CHIA: variants seen among roughly 807,000 people sequenced by gnomAD.
CHIA encodes chitinase acidic, also known as acidic mammalian chitinase.
CHIA carries 47 observed loss-of-function variants against 53.5 expected under a neutral mutation model. The ratio of observed to expected loss-of-function variants is 0.88; its 90% confidence interval spans 0.70 to 1.12. The LOEUF is 1.12. CHIA is among the 50% of genes most tolerant of loss of function. The pLI is 0.00. For missense variants in CHIA, 652 were observed against 592.2 expected (o/e 1.10, Z -1.05); for synonymous variants, 268 against 222.2 (o/e 1.21, Z -1.83).
At chr1:111,298,507 C>T (rs1390847493) in intron 1 of CHIA, among the ~76,000 whole-genome samples, 2 of 152,220 alleles carry the variant, frequency 1.3e-5, no homozygotes, top group African/African-American at 4.8e-5. Flanking sequence ...GGGTAAATAA[C>T]GAGATGAAGG....
chr1:111,304,115 G>A (rs550383815), intron 1 of CHIA, among the ~76,000 whole-genome samples: 13 of 152,206 alleles, frequency 8.5e-5, no homozygotes, highest in Admixed American at 2.6e-4. Context: ...TAATTTTATT[G>A]AAGATCCCTT....
intron 6 of CHIA, chr1:111,317,344 G>A (rs1193661171): frequency 2.3e-5 from 5 of 217,450 alleles, no homozygotes; most frequent in Non-Finnish European, 3.8e-5. Context: ...TATACTGCTG[G>A]ATGTAGGGTA....
intron 8 of CHIA, 136 bp from the exon 9 acceptor site, chr1:111,318,357 A>G: frequency 1.1e-6 from 1 of 903,366 alleles, no homozygotes; most frequent in Non-Finnish European, 1.7e-6. Flanking sequence ...CAACTTCACC[A>G]AAATGTTTTG....
At position 111,314,538 on chromosome 1, in the gene CHIA, AG is replaced by A; in HGVS notation, c.258del. On this transcript the variant is annotated splice_acceptor_variant, in intron 4 of 11. Coordinates refer to ENST00000369740, the MANE Select transcript of CHIA (RefSeq NM_201653.4). LOFTEE classifies it high-confidence loss of function. ...TATCTGTTTCTATCCTTTGTTTTAC[AG>A]GAACAGCCAGCTGAAAACTCTCCTG... is the stretch of plus-strand genomic sequence containing the variant. 1 of 1,607,460 alleles carries A rather than the reference AG, an allele frequency of 6.2e-7. No individual in the cohort carries two copies. The highest frequency in any genetic ancestry group is 8.5e-7 in the Non-Finnish European group (1 of 1,173,976).
At chr1:111,318,226 C>T in intron 8 of CHIA, 117 bp downstream of exon 8, 1 of 1,137,516 alleles carries the variant, frequency 8.8e-7, no homozygotes. Flanking sequence ...AATTAGGCTG[C>T]CATAATTAAT....
chr1:111,301,346 A>G (rs1045982479), intron 1 of CHIA, among the ~76,000 whole-genome samples: 39 of 152,272 alleles, frequency 2.6e-4, no homozygotes, highest in African/African-American at 8.9e-4. Flanking sequence ...TCCATCAATG[A>G]TAGACTGAAT....
chr1:111,317,052 A>G (rs1649217280), intron 6 of CHIA: 1 of 152,394 alleles, frequency 6.6e-6, no homozygotes, highest in Admixed American at 6.5e-5. Context: ...CTCTTATTCC[A>G]GTTAAATATC....
rs150698600 is a variant in CHIA at position 111,315,306 on chromosome 1, G to A, written c.351G>A (p.Gln117=). ...TGGTTTCTACTCCTGAGAACCGCCA[G>A]ACTTTCATCACCTCAGTCATCAAAT... ...TAMVSTPENR[Q]TFITSVIKFL... Residue 117 remains glutamine (Q), a synonymous_variant, in exon 6 of 12, where the codon CAG becomes CAA. Transcript: ENST00000369740. The A allele has an allele frequency of 1.9e-4, 306 of 1,612,928 alleles. 1 individual carries two copies. Among genetic ancestry groups the A allele is most frequent in the Non-Finnish European group, 2.5e-4 (293 of 1,179,958 alleles).
chr1:111,311,735 A>G lies in CHIA; in HGVS notation c.55+17A>G, dbSNP rs201709951. On this transcript the variant is annotated intron_variant, in intron 3 of 11. Coordinates refer to ENST00000369740, the MANE Select transcript of CHIA (RefSeq NM_201653.4). ...TGCAGCTCGGTAAGTCATGGACTCC[A>G]TGTTTTATCATTGAATGTATATATA... 21 of 1,611,124 alleles carry G rather than the reference A, an allele frequency of 1.3e-5. No homozygotes were observed. In the South Asian group the frequency reaches 2.0e-4, roughly 15 times the overall value.
intron 11 of CHIA, among the ~76,000 whole-genome samples, chr1:111,319,930 A>G (rs962084767): frequency 2.0e-5 from 3 of 152,228 alleles, no homozygotes; most frequent in South Asian, 2.1e-4. Flanking sequence ...GATTCTAGAA[A>G]AGTGTTTTGC....
intron 1 of CHIA, among the ~76,000 whole-genome samples, chr1:111,305,731 T>C (rs926443415): frequency 6.6e-6 from 1 of 152,226 alleles, no homozygotes; most frequent in African/African-American, 2.4e-5. Context: ...TGCTTTCTAC[T>C]TTGCCATCTT....
chr1:111,292,221 T>C (rs1661067722), intron 1 of CHIA, among the ~76,000 whole-genome samples: 1 of 152,240 alleles, frequency 6.6e-6, no homozygotes, highest in African/African-American at 2.4e-5. Flanking sequence ...GGTTATCTCA[T>C]TTAATTCTCA....
intron 1 of CHIA, 22 bp downstream of exon 1, chr1:111,290,972 T>A: frequency 2.4e-6 from 1 of 418,512 alleles, no homozygotes; most frequent in Non-Finnish European, 4.7e-6. Context: ...TATATATATA[T>A]CTTTTCCCTT....
intron 1 of CHIA, among the ~76,000 whole-genome samples, chr1:111,303,074 G>A (rs1318397457): frequency 1.3e-5 from 2 of 151,888 alleles, no homozygotes; most frequent in Non-Finnish European, 2.9e-5. Context: ...AGCAACTCCT[G>A]CTCTCGTTTG....
chr1:111,315,643 C>T (rs2101646988), intron 6 of CHIA: 4 of 600,642 alleles, frequency 6.7e-6, no homozygotes, highest in Non-Finnish European at 1.2e-5. Context: ...AGGCACTGCT[C>T]TACATGTTGT....
Position 111,319,359 on chromosome 1 carries a change from C to T in CHIA, c.1068C>T (p.Gly356=), listed in dbSNP as rs151038298. ...AQWLKHNKFG[G]AMVWAIDLDD... is the part of the protein sequence containing the mutation. ...GGCTTAAGCACAACAAATTTGGAGG[C>T]GCCATGGTCTGGGCCATTGATCTGG... Residue 356 remains glycine (G), a synonymous_variant, in exon 11 of 12, where the codon GGC becomes GGT. Coordinates refer to ENST00000369740, the MANE Select transcript of CHIA (RefSeq NM_201653.4). 2,213 of 1,614,180 alleles carry T rather than the reference C, an allele frequency of 1.4e-3. 24 individuals carry two copies. In the African/African-American group the frequency reaches 0.022, roughly 16 times the overall value.
Position 111,315,252 on chromosome 1 carries a change from T to A in CHIA, c.315-18T>A. 6.2e-7 allele frequency: 1 copy of A among 1,607,656 alleles called. No homozygotes were observed. Among genetic ancestry groups the A allele is most frequent in the South Asian group, 1.1e-5 (1 of 90,738 alleles). On this transcript the variant is annotated intron_variant, in intron 5 of 11. Transcript: ENST00000369740. ...GGACCACCAAGGTCTCACCCTGCCT[T>A]CTTTGGGTCTCCCTCAGTTTCACTG...
Position 111,290,895 on chromosome 1 carries a change from G to A in CHIA, c.-124G>A, listed in dbSNP as rs12026825. On this transcript the variant is annotated 5_prime_UTR_variant, in exon 1 of 12. Transcript: ENST00000369740. ...CTCGTCTGTGCACGAACAGGTGGCCGACTCTGGAGCCCAGGCTGTTGCTTT... is the reference window on the plus strand; with the variant it reads ...CTCGTCTGTGCACGAACAGGTGGCCAACTCTGGAGCCCAGGCTGTTGCTTT... 0.45 allele frequency: 208,516 copies of A among 467,470 alleles called. 49,806 individuals carry two copies. The highest frequency in any genetic ancestry group is 0.72 in the East Asian group (10,244 of 14,130). 29.0% of individuals were successfully genotyped at this position (467,470 alleles called of 1,614,324 possible).
intron 2 of CHIA, among the ~76,000 whole-genome samples, chr1:111,310,825 T>C (rs1277776044): frequency 6.6e-6 from 1 of 152,230 alleles, no homozygotes; most frequent in African/African-American, 2.4e-5. Context: ...CCATCTCATT[T>C]TAATTGGAAT....
Sources: gnomAD v4.1 joint callset for allele counts (sites outside exome capture counted in the v4.1 genomes callset) on GRCh38, gnomAD v4.1.1 for gene constraint, MANE v1.5 for transcripts, NCBI Gene and HGNC (gene_info 2026-07-23, HGNC 2026-07-21) for gene names.